The following OCRL variants were observed in gnomAD, a reference collection of about 807,000 sequenced individuals.
OCRL encodes the protein OCRL inositol polyphosphate-5-phosphatase, also known as inositol polyphosphate 5-phosphatase OCRL.
In OCRL, 8 loss-of-function variants were observed where a neutral mutation model predicts 78.9. The ratio of observed to expected loss-of-function variants is 0.10; its 90% CI spans 0.06 to 0.18. The LOEUF is 0.18. Among genes scored for constraint, OCRL ranks in the 10% least tolerant of loss-of-function variants. The pLI is 1.00. For synonymous variants in OCRL, 240 were observed against 235.4 expected (o/e 1.02, Z -0.18); for missense variants, 454 against 696.7 (o/e 0.65, Z 3.92).
chrX:129,589,048 A>G, intron 22 of OCRL, 35 bp downstream of exon 22: 1 of 1,207,960 alleles, frequency 8.3e-7, no homozygotes, highest in Non-Finnish European at 1.1e-6. Flanking sequence ...TGTTTGACGC[A>G]GATTGCCCCA....
intron 2 of OCRL, among the ~76,000 whole-genome samples, chrX:129,541,800 G>T (rs1843677470): frequency 8.9e-6 from 1 of 111,937 alleles, no homozygotes; most frequent in South Asian, 3.7e-4. Flanking sequence ...TATGCTGTCA[G>T]ATTTACACGG....
chrX:129,547,781 G>C (rs1245352265), intron 3 of OCRL, among the ~76,000 whole-genome samples: 2 of 111,159 alleles, frequency 1.8e-5, no homozygotes, highest in African/African-American at 6.5e-5. Flanking sequence ...AGGTGAAAAA[G>C]GTGAGACTAC....
At chrX:129,567,008 C>G (rs1936225750) in intron 13 of OCRL, among the ~76,000 whole-genome samples, 1 of 112,119 alleles carries the variant, frequency 8.9e-6, no homozygotes, top group Non-Finnish European at 1.9e-5. Context: ...CCCTCTGCCA[C>G]TATTAGCAAT....
chrX:129,561,200 C>T lies in OCRL; in HGVS notation c.846C>T (p.Ser282=). 8.3e-7 allele frequency: 1 copy of T among 1,204,551 alleles called. No homozygotes were observed. The highest frequency in any genetic ancestry group is 2.3e-4 in the Middle Eastern group (1 of 4,325). The change falls in exon 10 of 24, where the codon AGC becomes AGT. Residue 282 remains serine, a synonymous_variant. Coordinates refer to ENST00000371113, the MANE Select transcript of OCRL (RefSeq NM_000276.4). ...YCIGFQELDL[S]TEAFFYFESV... ...TCAGATTCCAAGAACTGGACTTGAG[C>T]ACAGAAGCCTTCTTCTACTTTGAAT...
intron 21 of OCRL, 65 bp downstream of exon 21, chrX:129,588,328 A>G (rs758118832): frequency 8.9e-6 from 7 of 785,556 alleles, no homozygotes; most frequent in South Asian, 6.4e-5. Context: ...CTTCGCACCT[A>G]TATTTGATTT....
At chrX:129,551,454 A>T (rs892593559) in intron 4 of OCRL, among the ~76,000 whole-genome samples, 1 of 112,022 alleles carries the variant, frequency 8.9e-6, no homozygotes, top group Admixed American at 9.4e-5. Flanking sequence ...TGTTTTTTTG[A>T]GATGGAGTCT....
In OCRL at chrX:129,589,951, T is replaced by C. The variant is rs1467945866; in HGVS notation, c.2576T>C (p.Met859Thr). The C allele has an allele frequency of 6.7e-6, 8 of 1,192,984 alleles. No individual in the cohort carries two copies. The highest frequency in any genetic ancestry group is 9.1e-6 in the Non-Finnish European group (8 of 879,484). Reference sequence around the variant, plus strand: ...GAATACAATAGCGTCAATGCCAACATGATCGGTAAGAGTGCTTCATGCAAC... The same window carrying C: ...GAATACAATAGCGTCAATGCCAACACGATCGGTAAGAGTGCTTCATGCAAC... ...FSEYNSVNANMIATLFTSLLL... is the reference protein window; with the variant it reads ...FSEYNSVNANTIATLFTSLLL... Residue 859 changes from methionine (M) to threonine (T), a missense_variant, in exon 23 of 24, where the codon ATG becomes ACG. Physicochemically the swap from Met to Thr is moderately conservative, Grantham distance 81. Around this residue, in one of 2 missense-constraint regions of OCRL, gnomAD observed 277 missense variants for 517.1 expected, o/e 0.54. Coordinates refer to ENST00000371113, the MANE Select transcript of OCRL (RefSeq NM_000276.4).
At chrX:129,590,022 A>G in intron 23 of OCRL, 66 bp downstream of exon 23, 1 of 1,124,598 alleles carries the variant, frequency 8.9e-7, no homozygotes, top group Non-Finnish European at 1.2e-6. Context: ...TATCCAGTAT[A>G]TACCTTACTG....
intron 5 of OCRL, 120 bp downstream of exon 5, chrX:129,557,555 AT>A (rs924801577): frequency 2.0e-5 from 13 of 662,696 alleles, no homozygotes; most frequent in East Asian, 3.5e-5. Flanking sequence ...CTGATAGCTG[AT>A]TTTTTTTTCT....
At chrX:129,583,299 A>G (rs1253130271) in intron 18 of OCRL, among the ~76,000 whole-genome samples, 1 of 111,778 alleles carries the variant, frequency 8.9e-6, no homozygotes, top group Non-Finnish European at 1.9e-5. Flanking sequence ...TTAGCCTGTT[A>G]TGGAGAATAC....
chrX:129,566,729 C>T (rs1375499067), intron 13 of OCRL, among the ~76,000 whole-genome samples: 1 of 112,216 alleles, frequency 8.9e-6, no homozygotes, highest in Non-Finnish European at 1.9e-5. Context: ...TCTACCTTCA[C>T]GTTGTGGTTG....
At chrX:129,569,234 T>C in intron 14 of OCRL, 30 bp from the exon 15 acceptor site, 1 of 1,207,951 alleles carries the variant, frequency 8.3e-7, no homozygotes, top group Non-Finnish European at 1.1e-6. Context: ...TGTGATATGT[T>C]CTCTTTATAA....
chrX:129,548,744 A>T (rs1935923061), intron 4 of OCRL, 143 bp downstream of exon 4: 2 of 497,782 alleles, frequency 4.0e-6, no homozygotes, highest in Non-Finnish European at 6.8e-6. Flanking sequence ...ACAAATTAGC[A>T]CTGTTTCCCA....
intron 4 of OCRL, among the ~76,000 whole-genome samples, chrX:129,550,708 A>T (rs1052175257): frequency 9.0e-6 from 1 of 111,239 alleles, no homozygotes; most frequent in Non-Finnish European, 1.9e-5. Context: ...ATTTATTTTT[A>T]ATCTTTTTTG....
intron 12 of OCRL, among the ~76,000 whole-genome samples, chrX:129,564,615 G>C (rs1261581693): frequency 9.1e-6 from 1 of 110,187 alleles, no homozygotes; most frequent in Non-Finnish European, 1.9e-5. Flanking sequence ...GTAAACTATC[G>C]CAAGAACAAA....
intron 1 of OCRL, 80 bp downstream of exon 1, chrX:129,540,558 G>T: frequency 9.3e-7 from 1 of 1,074,888 alleles, no homozygotes; most frequent in Non-Finnish European, 1.2e-6. Flanking sequence ...ACACGGTGGG[G>T]CGGGGCAACC....
At chrX:129,576,662 T>C (rs1936373063) in intron 18 of OCRL, 110 bp downstream of exon 18, 1 of 570,569 alleles carries the variant, frequency 1.8e-6, no homozygotes, top group African/African-American at 2.3e-5. Flanking sequence ...ACGGGGGATG[T>C]CAAATGATAA....
At chrX:129,587,784 C>T (rs1936532614) in intron 20 of OCRL, among the ~76,000 whole-genome samples, 2 of 108,524 alleles carry the variant, frequency 1.8e-5, no homozygotes, top group African/African-American at 6.7e-5. Flanking sequence ...CCTGTAATCC[C>T]AGCATTTTGG....
At position 129,585,944 on chromosome X, in the gene OCRL, A is replaced by G. The variant is rs17314442; in HGVS notation, c.2140-1058A>G. Among the ~76,000 whole-genome samples, 860 of 110,734 alleles carry G rather than the reference A, an allele frequency of 7.8e-3. 9 individuals carry two copies. The highest frequency in any genetic ancestry group is 0.045 in the East Asian group (159 of 3,521). On this transcript the variant is annotated intron_variant, in intron 19 of 23. Transcript: ENST00000371113. ...TGTGGATGGAATTCACAAGTTGCACAATGTTAGGCAAGAATTTCTTAGTTA... is the reference window on the plus strand; with the variant it reads ...TGTGGATGGAATTCACAAGTTGCACGATGTTAGGCAAGAATTTCTTAGTTA...
Sources: gnomAD v4.1 joint callset for allele counts (sites outside exome capture counted in the v4.1 genomes callset) on GRCh38, gnomAD v4.1.1 for gene constraint, gnomAD v4.1.1 regional missense constraint, MANE v1.5 for transcripts, NCBI Gene and HGNC (gene_info 2026-07-23, HGNC 2026-07-21) for gene names.